GABRG3: variants seen among roughly 807,000 people sequenced by gnomAD.
GABRG3 encodes the protein gamma-aminobutyric acid receptor subunit gamma-3.
GABRG3 carries 25 observed loss-of-function variants against 48.8 expected under a neutral mutation model. The observed-to-expected ratio is 0.51, with a 90% CI of 0.37 to 0.72. GABRG3 has a LOEUF of 0.72. Among genes scored for constraint, GABRG3 ranks in the 30% least tolerant of loss-of-function variants. The pLI is 0.00. For synonymous variants in GABRG3, 227 were observed against 217.6 expected (o/e 1.04, Z -0.38); for missense variants, 394 against 577.9 (o/e 0.68, Z 3.26).
chr15:27,066,916 G>A (rs2140729535), intron 3 of GABRG3, among the ~76,000 whole-genome samples: 1 of 152,288 alleles, frequency 6.6e-6, no homozygotes, highest in East Asian at 1.9e-4. Context: ...CAAGGGTGAG[G>A]CAAACAGAAA....
chr15:27,162,504 A>G (rs988251250), intron 3 of GABRG3, among the ~76,000 whole-genome samples: 13 of 152,136 alleles, frequency 8.5e-5, no homozygotes, highest in Admixed American at 2.6e-4. Context: ...ATGGAATGGT[A>G]GTGGCACTTT....
At chr15:27,286,098 A>G (rs1186139912) in intron 3 of GABRG3, among the ~76,000 whole-genome samples, 1 of 152,254 alleles carries the variant, frequency 6.6e-6, no homozygotes, top group South Asian at 2.1e-4. Context: ...TACACCAGGC[A>G]AAAGTGCAAA....
chr15:27,328,951 T>G, intron 5 of GABRG3, 63 bp downstream of exon 5: 1 of 1,310,800 alleles, frequency 7.6e-7, no homozygotes, highest in Non-Finnish European at 1.1e-6. Flanking sequence ...CTGGTACTGC[T>G]TCTGTCAAAC....
chr15:27,406,555 A>T lies in GABRG3; in HGVS notation c.575-74095A>T, dbSNP rs137942963. Reference sequence around the variant, plus strand: ...ACATGTTTAGCCACAAGAAAACATCAGGCAAAACCAGATTGAGGATATTTA... The same window carrying T: ...ACATGTTTAGCCACAAGAAAACATCTGGCAAAACCAGATTGAGGATATTTA... On this transcript the variant is annotated intron_variant, in intron 5 of 9. Coordinates refer to ENST00000615808, the MANE Select transcript of GABRG3 (RefSeq NM_033223.5). Among the ~76,000 whole-genome samples the T allele has an allele frequency of 3.3e-5, 5 of 152,322 alleles. No individual in the cohort carries two copies. In the East Asian group the frequency reaches 7.7e-4, roughly 24 times the overall value.
chr15:27,148,314 A>G (rs1163660866), intron 3 of GABRG3, among the ~76,000 whole-genome samples: 2 of 152,024 alleles, frequency 1.3e-5, no homozygotes, highest in Non-Finnish European at 2.9e-5. Flanking sequence ...GTAAAATCTA[A>G]AAAGCCTCAT....
intron 6 of GABRG3, among the ~76,000 whole-genome samples, chr15:27,493,868 C>A (rs556868376): frequency 6.6e-6 from 1 of 152,170 alleles, no homozygotes; most frequent in African/African-American, 2.4e-5. Flanking sequence ...CATGGGGAAC[C>A]GTGGGGCACC....
At chr15:27,108,027 A>T (rs181374674) in intron 3 of GABRG3, among the ~76,000 whole-genome samples, 3 of 151,398 alleles carry the variant, frequency 2.0e-5, no homozygotes, top group African/African-American at 7.3e-5. Flanking sequence ...GCTTTTGGTT[A>T]TGTTGATTTT....
chr15:27,473,659 A>G (rs1306485202), intron 5 of GABRG3, among the ~76,000 whole-genome samples: 1 of 152,184 alleles, frequency 6.6e-6, no homozygotes, highest in Non-Finnish European at 1.5e-5. Context: ...TCATATTTTT[A>G]TCATAGGTTG....
intron 3 of GABRG3, among the ~76,000 whole-genome samples, chr15:27,278,519 C>T (rs1891331736): frequency 6.6e-6 from 1 of 152,124 alleles, no homozygotes; most frequent in Non-Finnish European, 1.5e-5. Context: ...AATGTGTGCT[C>T]CAAGAGTGGG....
intron 3 of GABRG3, among the ~76,000 whole-genome samples, chr15:27,309,199 A>G (rs946442420): frequency 1.8e-4 from 25 of 139,620 alleles, no homozygotes; most frequent in South Asian, 4.3e-4. Flanking sequence ...TATAATGTAA[A>G]CATAGATGTT....
chr15:27,002,994 TAAACA>T (rs144284962), intron 2 of GABRG3, among the ~76,000 whole-genome samples: 7,690 of 151,118 alleles, frequency 0.051, 270 homozygotes, highest in East Asian at 0.18. Context: ...ATACAATAAA[TAAACA>T]AAACAAAACA....
intron 3 of GABRG3, among the ~76,000 whole-genome samples, chr15:27,119,490 T>C (rs1897696040): frequency 6.6e-6 from 1 of 152,342 alleles, no homozygotes. Flanking sequence ...TATCTACTGC[T>C]GTGTAACAGG....
intron 3 of GABRG3, among the ~76,000 whole-genome samples, chr15:27,120,362 A>G (rs994165029): frequency 1.7e-4 from 26 of 152,078 alleles, no homozygotes; most frequent in Non-Finnish European, 4.4e-5. Context: ...AGGTGCTTCA[A>G]TTATTTGTGT....
intron 3 of GABRG3, among the ~76,000 whole-genome samples, chr15:27,130,411 CTT>C (rs1171833641): frequency 6.6e-6 from 1 of 151,980 alleles, no homozygotes; most frequent in Non-Finnish European, 1.5e-5. Context: ...AGATATCTGT[CTT>C]TATATAATTA....
At chr15:27,373,664 A>G (rs890555025) in intron 5 of GABRG3, among the ~76,000 whole-genome samples, 1 of 152,216 alleles carries the variant, frequency 6.6e-6, no homozygotes, top group Admixed American at 6.5e-5. Flanking sequence ...AAAAAAAATT[A>G]CTTTGAAAAT....
chr15:27,314,734 G>A (rs1042015296), intron 3 of GABRG3, among the ~76,000 whole-genome samples: 3 of 152,148 alleles, frequency 2.0e-5, no homozygotes, highest in Admixed American at 2.0e-4. Context: ...TAAAAAAGAA[G>A]AAAATTCTGC....
rs190554781 is a variant in GABRG3 at position 27,480,922 on chromosome 15, C to A, written c.712+135C>A. On this transcript the variant is annotated intron_variant, in intron 6 of 9. Coordinates refer to ENST00000615808, the MANE Select transcript of GABRG3 (RefSeq NM_033223.5). ...GATATTTGAGACAAAACAAGTGATT[C>A]AAAGTGAAACTATGTTTTCATGTTT... 4 of 1,423,654 alleles carry A rather than the reference C, an allele frequency of 2.8e-6. No homozygotes were observed. The African/African-American group carries it at 5.7e-5, about 20-fold the overall frequency. 88.2% of individuals were successfully genotyped at this position (1,423,654 alleles called of 1,614,324 possible).
chr15:26,988,683 TTTTA>T (rs1479123916), intron 2 of GABRG3, among the ~76,000 whole-genome samples: 3 of 152,126 alleles, frequency 2.0e-5, no homozygotes, highest in Admixed American at 6.6e-5. Context: ...TTTATGATCT[TTTTA>T]TTTTTCTTTC....
chr15:27,248,988 G>A (rs1890363192), intron 3 of GABRG3, among the ~76,000 whole-genome samples: 1 of 152,084 alleles, frequency 6.6e-6, no homozygotes, highest in African/African-American at 2.4e-5. Context: ...GCCCTGGGCG[G>A]ATGTCAAGCA....
Sources: gnomAD v4.1 joint callset for allele counts (sites outside exome capture counted in the v4.1 genomes callset) on GRCh38, gnomAD v4.1.1 for gene constraint, MANE v1.5 for transcripts, NCBI Gene and HGNC (gene_info 2026-07-23, HGNC 2026-07-21) for gene names.